Variants in CLNK observed in about 807,000 individuals in gnomAD.
CLNK encodes cytokine-dependent hematopoietic cell linker.
Under a neutral mutation model 68.6 loss-of-function variants are expected in CLNK, and 74 were observed. That is an observed-to-expected ratio of 1.08 (90% CI 0.89 to 1.31). The LOEUF is 1.31. CLNK is among the 50% of genes most tolerant of loss of function. CLNK has a pLI of 0.00. For missense variants in CLNK, 553 were observed against 515.3 expected, an observed-to-expected ratio of 1.07 and a Z score of -0.71; for synonymous variants, 198 against 172.2, an observed-to-expected ratio of 1.15 and a Z score of -1.17.
intron 8 of CLNK, among the ~76,000 whole-genome samples, chr4:10,552,057 C>T (rs569676954): frequency 1.0e-3 from 155 of 152,008 alleles, no homozygotes; most frequent in African/African-American, 3.3e-3. Flanking sequence ...GGAGTTTCAC[C>T]GTGTTAGCCA....
chr4:10,530,231 C>T (rs1300835590), intron 12 of CLNK, among the ~76,000 whole-genome samples: 1 of 152,138 alleles, frequency 6.6e-6, no homozygotes, highest in Non-Finnish European at 1.5e-5. Flanking sequence ...TTTGCCACCT[C>T]TCCGGGGTTT....
intron 3 of CLNK, among the ~76,000 whole-genome samples, chr4:10,593,675 AC>A (rs1227810508): frequency 2.0e-5 from 3 of 151,932 alleles, no homozygotes; most frequent in Non-Finnish European, 4.4e-5. Flanking sequence ...AAACAAAACA[AC>A]CCAGAAAAAC....
intron 2 of CLNK, among the ~76,000 whole-genome samples, chr4:10,625,853 A>G (rs1722647204): frequency 1.3e-5 from 2 of 152,366 alleles, no homozygotes; most frequent in Admixed American, 6.5e-5. Context: ...TCTGAGGCCA[A>G]TGTAGCTCAA....
chr4:10,731,601 C>A, the CLNK span, among the ~76,000 whole-genome samples: 1 of 152,218 alleles, frequency 6.6e-6, no homozygotes, highest in East Asian at 1.9e-4. Context: ...AAGATTTCCA[C>A]TCATGTTGAA....
chr4:10,670,296 CT>C (rs1222073925), intron 1 of CLNK, among the ~76,000 whole-genome samples: 1 of 152,198 alleles, frequency 6.6e-6, no homozygotes, highest in Non-Finnish European at 1.5e-5. Context: ...GATTAAATTA[CT>C]TGATTACAGT....
At position 10,537,702 on chromosome 4, in the gene CLNK, C is replaced by CTTTCTTTCTTTCTTTCTTTCTTT. The variant is rs1288379203; in HGVS notation, c.602+2791_602+2792insAAAGAAAGAAAGAAAGAAAGAAA. Among the ~76,000 whole-genome samples the CTTTCTTTCTTTCTTTCTTTCTTT allele has an allele frequency of 9.3e-3, 215 of 23,024 alleles. 3 individuals are homozygous for CTTTCTTTCTTTCTTTCTTTCTTT. The highest frequency in any genetic ancestry group is 0.013 in the Non-Finnish European group (145 of 11,124). 15.1% of individuals were successfully genotyped at this position (23,024 alleles called of 152,430 possible). A position where few individuals can be genotyped will look rare whatever the true frequency, so the allele number is the denominator to read the frequency against. Reference sequence around the variant, plus strand: ...TTCTTCCTTCCTTCCTTCCTTCCTTCCTTCCTTTCTTTCTTTCTTTCTTTC... The same window carrying CTTTCTTTCTTTCTTTCTTTCTTT: ...TTCTTCCTTCCTTCCTTCCTTCCTTCTTTCTTTCTTTCTTTCTTTCTTTCTTCCTTTCTTTCTTTCTTTCTTTC... On this transcript the variant is annotated intron_variant, in intron 11 of 18. Coordinates refer to ENST00000226951, the MANE Select transcript of CLNK (RefSeq NM_052964.4).
chr4:10,706,643 A>G, the CLNK span, among the ~76,000 whole-genome samples: 1 of 152,094 alleles, frequency 6.6e-6, no homozygotes, highest in African/African-American at 2.4e-5. Context: ...TTTCTCATTG[A>G]ATCCCTCCCT....
chr4:10,607,412 T>A (rs1158206297), intron 2 of CLNK, among the ~76,000 whole-genome samples: 1 of 152,246 alleles, frequency 6.6e-6, no homozygotes, highest in Non-Finnish European at 1.5e-5. Flanking sequence ...GTTGTTTCAA[T>A]GAACGCATGC....
intron 18 of CLNK, among the ~76,000 whole-genome samples, chr4:10,497,599 G>A (rs576698165): frequency 1.3e-5 from 2 of 152,296 alleles, no homozygotes; most frequent in South Asian, 2.1e-4. Flanking sequence ...TCAGTGAACC[G>A]GCTGACAGTC....
chr4:10,712,059 G>A, the CLNK span, among the ~76,000 whole-genome samples: 6 of 152,188 alleles, frequency 3.9e-5, no homozygotes, highest in East Asian at 3.8e-4. Flanking sequence ...TCAAAAGTGA[G>A]TTAGATGTCT....
chr4:10,549,701 C>T lies in CLNK; in HGVS notation c.446-7421G>A, dbSNP rs556895966. On this transcript the variant is annotated intron_variant, in intron 8 of 18. Coordinates refer to ENST00000226951, the MANE Select transcript of CLNK (RefSeq NM_052964.4). Reference sequence around the variant, plus strand: ...ATAGTATGAAAAATTAGAGGGAAAACGGGAATTTACCTCCCTAATGAAGTA... The same window carrying T: ...ATAGTATGAAAAATTAGAGGGAAAATGGGAATTTACCTCCCTAATGAAGTA... Among the ~76,000 whole-genome samples, 22 of 152,202 alleles carry T rather than the reference C, an allele frequency of 1.4e-4. No homozygotes were observed. The East Asian group carries it at 1.7e-3, about 12-fold the overall frequency.
chr4:10,501,209 T>C, intron 18 of CLNK, 47 bp downstream of exon 18: 2 of 1,506,818 alleles, frequency 1.3e-6, no homozygotes, highest in Non-Finnish European at 8.8e-7. Flanking sequence ...TCTTCCTTTA[T>C]TTGTTGCGCT....
chr4:10,729,225 C>T, the CLNK span, among the ~76,000 whole-genome samples: 3 of 152,106 alleles, frequency 2.0e-5, no homozygotes, highest in Non-Finnish European at 4.4e-5. Flanking sequence ...ACTGGTCTTA[C>T]ACCAGTCAGA....
At chr4:10,544,331 T>C (rs1007897006) in intron 8 of CLNK, among the ~76,000 whole-genome samples, 1 of 152,246 alleles carries the variant, frequency 6.6e-6, no homozygotes, top group African/African-American at 2.4e-5. Flanking sequence ...GCACATAGTA[T>C]GTGTTAGGTA....
At chr4:10,703,615 T>C in the CLNK span, among the ~76,000 whole-genome samples, 1 of 152,214 alleles carries the variant, frequency 6.6e-6, no homozygotes, top group African/African-American at 2.4e-5. Context: ...GGATATATTC[T>C]GAGAAATGTG....
chr4:10,553,828 G>C (rs1377869978), intron 8 of CLNK, among the ~76,000 whole-genome samples: 1 of 152,188 alleles, frequency 6.6e-6, no homozygotes, highest in African/African-American at 2.4e-5. Context: ...GCTACTTAGA[G>C]CTTCATTCAT....
At chr4:10,693,162 A>G in the CLNK span, among the ~76,000 whole-genome samples, 1 of 152,328 alleles carries the variant, frequency 6.6e-6, no homozygotes, top group South Asian at 2.1e-4. Context: ...CCTGGTAACA[A>G]TGAATGTAAA....
chr4:10,565,925 T>C, intron 6 of CLNK, 84 bp downstream of exon 6: 1 of 1,461,138 alleles, frequency 6.8e-7, no homozygotes, highest in Non-Finnish European at 9.2e-7. Context: ...GGTTGTTTAA[T>C]TCAGAAACCG....
chr4:10,571,877 G>T, intron 4 of CLNK, 99 bp from the exon 5 acceptor site: 1 of 911,500 alleles, frequency 1.1e-6, no homozygotes, highest in Non-Finnish European at 1.7e-6. Flanking sequence ...TCTTTTGTCA[G>T]TTTTAATTAA....
Sources: gnomAD v4.1 joint callset for allele counts (sites outside exome capture counted in the v4.1 genomes callset) on GRCh38, gnomAD v4.1.1 for gene constraint, MANE v1.5 for transcripts, NCBI Gene and HGNC (gene_info 2026-07-23, HGNC 2026-07-21) for gene names.